ITPKB: variants seen among roughly 807,000 people sequenced by gnomAD.
ITPKB encodes inositol-trisphosphate 3-kinase B.
In ITPKB, 13 loss-of-function variants were observed where a neutral mutation model predicts 69.4. The ratio of observed to expected loss-of-function variants is 0.19; its 90% CI spans 0.12 to 0.30. ITPKB has a LOEUF of 0.30. Ranked by LOEUF, ITPKB falls within the 10% of genes least tolerant of loss-of-function variation. The pLI is 1.00. For missense variants in ITPKB, 1,240 were observed against 1,250.5 expected (o/e 0.99, Z 0.13); for synonymous variants, 584 against 513.7 (o/e 1.14, Z -1.85).
rs147009126 is a variant in ITPKB at position 226,670,617 on chromosome 1, C to T, written c.1933-21846G>A. On this transcript the variant is annotated intron_variant, in intron 2 of 7. Transcript: ENST00000429204. Reference sequence around the variant, plus strand: ...AAGGGGCAGGGAGCAGAATTAGCTACGGAAAATATACAGACTTAGGCTAAG... The same window carrying T: ...AAGGGGCAGGGAGCAGAATTAGCTATGGAAAATATACAGACTTAGGCTAAG... 1.4e-3 allele frequency among the ~76,000 whole-genome samples: 218 copies of T among 152,248 alleles called. 1 individual carries two copies. The highest frequency in any genetic ancestry group is 5.0e-3 in the African/African-American group (206 of 41,536).
chr1:226,668,027 G>A (rs910847022), intron 2 of ITPKB, among the ~76,000 whole-genome samples: 1 of 152,096 alleles, frequency 6.6e-6, no homozygotes, highest in Non-Finnish European at 1.5e-5. Flanking sequence ...GCCCCAGAGG[G>A]AGGCAAAAAG....
intron 2 of ITPKB, chr1:226,707,877 C>A: frequency 7.7e-7 from 1 of 1,306,222 alleles, no homozygotes; most frequent in Non-Finnish European, 1.0e-6. Flanking sequence ...GGACGTTGCC[C>A]CAGCAGTACC....
intron 2 of ITPKB, among the ~76,000 whole-genome samples, chr1:226,702,437 A>T (rs1214594758): frequency 3.3e-5 from 5 of 150,758 alleles, no homozygotes; most frequent in African/African-American, 1.2e-4. Flanking sequence ...CTTGACGGCT[A>T]CCCCTATTTC....
chr1:226,708,381 C>A lies in ITPKB; in HGVS notation c.1932+27146G>T, dbSNP rs1006474481. ...CTCAAGGGACCTAACTGAGACCCACCCAAATGTATGCTCTTTGGAGCTACT... is the reference window on the plus strand; with the variant it reads ...CTCAAGGGACCTAACTGAGACCCACACAAATGTATGCTCTTTGGAGCTACT... On this transcript the variant is annotated intron_variant, in intron 2 of 7. Coordinates refer to ENST00000429204, the MANE Select transcript of ITPKB (RefSeq NM_002221.4). 4.6e-5 allele frequency among the ~76,000 whole-genome samples: 7 copies of A among 152,162 alleles called. No homozygotes were observed. In the East Asian group the frequency reaches 7.7e-4, roughly 17 times the overall value.
chr1:226,717,436 C>A (rs967264793), intron 2 of ITPKB, among the ~76,000 whole-genome samples: 4 of 152,068 alleles, frequency 2.6e-5, no homozygotes, highest in Non-Finnish European at 4.4e-5. Context: ...AAACTAAACC[C>A]AAAGCACAGG....
At chr1:226,692,120 T>C (rs182153113) in intron 2 of ITPKB, among the ~76,000 whole-genome samples, 7 of 152,350 alleles carry the variant, frequency 4.6e-5, no homozygotes, top group Admixed American at 1.3e-4. Context: ...TTTCAAGTTT[T>C]ATACATGAGG....
rs577694101 is a variant in ITPKB, at chr1:226,737,950, G to A, written c.-205-287C>T. On this transcript the variant is annotated intron_variant, in intron 1 of 7. Coordinates refer to ENST00000429204, the MANE Select transcript of ITPKB (RefSeq NM_002221.4). ...AATCCTAATACTCGTCTCGCGGACC[G>A]GCGAGAAGCGAGGTCCAAGTCCTTG... 2.6e-5 allele frequency among the ~76,000 whole-genome samples: 4 copies of A among 152,302 alleles called. No individual in the cohort carries two copies. The South Asian group carries it at 6.2e-4, about 24-fold the overall frequency.
intron 2 of ITPKB, among the ~76,000 whole-genome samples, chr1:226,732,395 C>T (rs1022408336): frequency 8.5e-5 from 13 of 152,176 alleles, no homozygotes; most frequent in Non-Finnish European, 1.8e-4. Context: ...CCCGCGACCA[C>T]GCCAGCTAAT....
At chr1:226,647,497 T>C (rs1024969234) in intron 3 of ITPKB, 117 bp from the exon 4 acceptor site, 1 of 718,586 alleles carries the variant, frequency 1.4e-6, no homozygotes, top group Non-Finnish European at 2.4e-6. Context: ...GCTGAAGGTG[T>C]GTCTATGTCC....
chr1:226,647,027 G>A, intron 4 of ITPKB, 140 bp downstream of exon 4: 1 of 679,506 alleles, frequency 1.5e-6, no homozygotes. Flanking sequence ...TGGGGATGGG[G>A]AGGCTCTAAT....
intron 2 of ITPKB, among the ~76,000 whole-genome samples, chr1:226,709,344 C>T (rs1160012832): frequency 2.0e-5 from 3 of 152,208 alleles, no homozygotes; most frequent in African/African-American, 7.2e-5. Context: ...CCTGGGCTGC[C>T]TGTCTGGGCT....
intron 2 of ITPKB, among the ~76,000 whole-genome samples, chr1:226,698,009 G>A (rs529798763): frequency 8.5e-5 from 13 of 152,284 alleles, no homozygotes; most frequent in African/African-American, 2.4e-4. Context: ...CACTCCCCCC[G>A]GGGCAGAACA....
chr1:226,732,845 T>C (rs928736988), intron 2 of ITPKB, among the ~76,000 whole-genome samples: 3 of 152,166 alleles, frequency 2.0e-5, no homozygotes, highest in Non-Finnish European at 4.4e-5. Context: ...ACACTGGGCG[T>C]GTAATGCAAC....
At chr1:226,635,492 C>T (rs757307565) in intron 7 of ITPKB, among the ~76,000 whole-genome samples, 11 of 152,174 alleles carry the variant, frequency 7.2e-5, no homozygotes, top group Non-Finnish European at 1.5e-4. Context: ...TCGGAAAGTG[C>T]TGAGATTACG....
At chr1:226,649,674 T>C (rs1669148556) in intron 2 of ITPKB, among the ~76,000 whole-genome samples, 1 of 143,566 alleles carries the variant, frequency 7.0e-6, no homozygotes, top group Admixed American at 6.9e-5. Flanking sequence ...CTTATTTTAT[T>C]TTCTCAATGA....
intron 2 of ITPKB, among the ~76,000 whole-genome samples, chr1:226,729,839 T>C (rs978124343): frequency 6.6e-6 from 1 of 152,010 alleles, no homozygotes; most frequent in Admixed American, 6.6e-5. Flanking sequence ...AGGTGATCCA[T>C]CCACCTCAGC....
intron 2 of ITPKB, among the ~76,000 whole-genome samples, chr1:226,677,789 C>T (rs1655934181): frequency 6.6e-6 from 1 of 152,176 alleles, no homozygotes; most frequent in South Asian, 2.1e-4. Flanking sequence ...GAAAGAGCAC[C>T]CATTACATAC....
At chr1:226,695,833 C>T (rs1656470457) in intron 2 of ITPKB, among the ~76,000 whole-genome samples, 1 of 151,980 alleles carries the variant, frequency 6.6e-6, no homozygotes, top group South Asian at 2.1e-4. Flanking sequence ...ATGGCAGGGC[C>T]CACAATGTCA....
intron 2 of ITPKB, among the ~76,000 whole-genome samples, chr1:226,650,807 G>A (rs16846346): frequency 6.6e-6 from 1 of 152,108 alleles, no homozygotes; most frequent in African/African-American, 2.4e-5. Flanking sequence ...ACATTGCACT[G>A]TTTCACAGTC....
Sources: allele counts gnomAD v4.1 joint callset (sites outside exome capture counted in the v4.1 genomes callset), GRCh38; gene constraint gnomAD v4.1.1; transcripts MANE v1.5; gene names NCBI Gene and HGNC (gene_info 2026-07-23, HGNC 2026-07-21).